GPC1: variants seen among roughly 807,000 people sequenced by gnomAD.
The protein encoded by GPC1 is glypican 1.
A neutral mutation model predicts 51.5 loss-of-function variants in GPC1; 26 were observed. That is an observed-to-expected ratio of 0.50 (90% CI 0.37 to 0.70). The LOEUF is 0.70. Among genes scored for constraint, GPC1 ranks in the 30% least tolerant of loss-of-function variants. The pLI is 0.00. For synonymous variants in GPC1, 380 were observed against 348.3 expected, an observed-to-expected ratio of 1.09 and a Z score of -1.01; for missense variants, 775 against 800.5, an observed-to-expected ratio of 0.97 and a Z score of 0.38.
intron 4 of GPC1, 34 bp from the exon 5 acceptor site, chr2:240,464,582 C>T (rs776467395): frequency 8.6e-6 from 13 of 1,516,290 alleles, no homozygotes; most frequent in African/African-American, 7.8e-5. Context: ...CGCGCGTTAA[C>T]GCCTGTGTGT....
rs2151798482 is a variant in GPC1, at chr2:240,467,282, C to CT, written c.*992_*993insT. The CT allele has an allele frequency of 6.6e-6, 1 of 152,366 alleles. No homozygotes were observed. The highest frequency in any genetic ancestry group is 1.9e-4 in the East Asian group (1 of 5,194). 9.4% of individuals were successfully genotyped at this position (152,366 alleles called of 1,614,324 possible). On this transcript the variant is annotated 3_prime_UTR_variant, in exon 9 of 9. Transcript: ENST00000264039. ...TGGTGGCTGGTGAGACCCCGCACTG[C>CT]AGACGGGAATGCCTAGGTCCCTTCC... is the stretch of plus-strand genomic sequence containing the variant.
intron 1 of GPC1, among the ~76,000 whole-genome samples, chr2:240,447,429 C>T (rs1266909799): frequency 2.0e-5 from 3 of 152,176 alleles, no homozygotes; most frequent in African/African-American, 4.8e-5. Context: ...GCTCTGAGGC[C>T]GGCGTGGAGC....
At chr2:240,456,027 TCTTCACTCC>T (rs1559199407) in intron 1 of GPC1, 1 of 428,446 alleles carries the variant, frequency 2.3e-6, no homozygotes, top group Admixed American at 2.7e-5. Context: ...TGGCTCCGTG[TCTTCACTCC>T]CGTGCTTGTC....
At chr2:240,454,089 G>T (rs2074132963) in intron 1 of GPC1, among the ~76,000 whole-genome samples, 1 of 152,110 alleles carries the variant, frequency 6.6e-6, no homozygotes, top group Non-Finnish European at 1.5e-5. Flanking sequence ...AGACGGCAGG[G>T]GTGTGGGGAG....
intron 1 of GPC1, among the ~76,000 whole-genome samples, chr2:240,438,617 G>T (rs2073999169): frequency 6.6e-6 from 1 of 152,226 alleles, no homozygotes; most frequent in Admixed American, 6.5e-5. Context: ...GTGGGGTAGA[G>T]ATCTGATACT....
At chr2:240,437,386 C>T (rs1260117555) in intron 1 of GPC1, among the ~76,000 whole-genome samples, 2 of 152,050 alleles carry the variant, frequency 1.3e-5, no homozygotes, top group Non-Finnish European at 2.9e-5. Context: ...GTAAGGGCCC[C>T]CTGACCGCCC....
chr2:240,449,527 T>G (rs926718959), intron 1 of GPC1: 4 of 232,956 alleles, frequency 1.7e-5, no homozygotes, highest in East Asian at 1.1e-4. Context: ...GGGAGAAGAG[T>G]TGTTTGCTTT....
intron 1 of GPC1, among the ~76,000 whole-genome samples, chr2:240,441,101 G>A (rs1043172326): frequency 3.9e-5 from 6 of 152,278 alleles, no homozygotes; most frequent in Non-Finnish European, 5.9e-5. Flanking sequence ...CAATCTCTAG[G>A]GACAGTGTGA....
chr2:240,465,551 G>T lies in GPC1; in HGVS notation c.1347G>T (p.Pro449=), dbSNP rs144488064. The change falls in exon 8 of 9, where the codon CCG becomes CCT. Residue 449 remains proline (P), a synonymous_variant. Transcript: ENST00000264039. ...NPEVEVDITK[P]DMTIRQQIMQ... is the part of the protein sequence containing the mutation. The stretch of plus-strand genomic sequence containing the variant: ...AGGTGGAGGTGGACATCACCAAGCC[G>T]GACATGACCATCCGGCAGCAGATCA... 4.7e-5 allele frequency: 76 copies of T among 1,613,060 alleles called. No individual in the cohort carries two copies. In the African/African-American group the frequency reaches 8.0e-4, roughly 17 times the overall value.
rs2074276097 is a variant in GPC1, at chr2:240,467,643, C to G, written c.*1353C>G. 2.0e-5 allele frequency: 3 copies of G among 152,400 alleles called. No homozygotes were observed. In the South Asian group the frequency reaches 6.2e-4, roughly 31 times the overall value. 9.4% of individuals were successfully genotyped at this position (152,400 alleles called of 1,614,324 possible). ...GGGCAGCTGTCCTGAACCGACTGAC[C>G]CTGAGGAGGCCGCTTAGTGCTGCTT... On this transcript the variant is annotated 3_prime_UTR_variant, in exon 9 of 9. Coordinates refer to ENST00000264039, the MANE Select transcript of GPC1 (RefSeq NM_002081.3).
Position 240,466,446 on chromosome 2 carries a change from G to A in GPC1, c.*156G>A, listed in dbSNP as rs551333293. 24 of 586,838 alleles carry A rather than the reference G, an allele frequency of 4.1e-5. No homozygotes were observed. Among genetic ancestry groups the A allele is most frequent in the African/African-American group, 3.5e-4 (19 of 53,732 alleles). 36.4% of individuals were successfully genotyped at this position (586,838 alleles called of 1,614,324 possible). A position where few individuals can be genotyped will look rare whatever the true frequency, so the allele number is the denominator to read the frequency against. On this transcript the variant is annotated 3_prime_UTR_variant, in exon 9 of 9. Transcript: ENST00000264039. ...GCAGGCGCAGAGGTCCCAGCCCCAG[G>A]CCTGGCCTCGCCTGCCTTTCTGCCT... is the stretch of plus-strand genomic sequence containing the variant.
chr2:240,450,697 C>T (rs1192458904), intron 1 of GPC1: 6 of 468,890 alleles, frequency 1.3e-5, no homozygotes, highest in Non-Finnish European at 2.7e-5. Flanking sequence ...GGGTGTGGCT[C>T]GTGGGCCATG....
rs977149196 is a variant in GPC1, at chr2:240,467,219, C to T, written c.*929C>T. The T allele has an allele frequency of 6.6e-6, 1 of 152,328 alleles. No individual in the cohort carries two copies. The highest frequency in any genetic ancestry group is 1.5e-5 in the Non-Finnish European group (1 of 68,114). The allele number at this position is 152,328 out of a possible 1,614,324, so 9.4% of individuals were successfully genotyped here. On this transcript the variant is annotated 3_prime_UTR_variant, in exon 9 of 9. Transcript: ENST00000264039. ...GTTCACGGTGACACAGGTCAGGGCT[C>T]AGAGTGACCCTCAGCTGTCACCTGC...
At chr2:240,436,106 G>T in intron 1 of GPC1, 22 bp downstream of exon 1, 1 of 1,267,138 alleles carries the variant, frequency 7.9e-7, no homozygotes, top group African/African-American at 1.5e-5. Flanking sequence ...CGCGGCGCCG[G>T]GAACCCGGGC....
rs1411934238 is a variant in GPC1 at position 240,436,200 on chromosome 2, C to A, written c.166+116C>A. Reference sequence around the variant, plus strand: ...GCGGGATCCTGCCGCCTGCGCCCCGCCGCCCGGGCCCCGAATGGCTCCCTG... The same window carrying A: ...GCGGGATCCTGCCGCCTGCGCCCCGACGCCCGGGCCCCGAATGGCTCCCTG... On this transcript the variant is annotated intron_variant, in intron 1 of 8. Transcript: ENST00000264039. 7 of 656,944 alleles carry A rather than the reference C, an allele frequency of 1.1e-5. No homozygotes were observed. The South Asian group carries it at 4.5e-4, about 42-fold the overall frequency. 40.7% of individuals were successfully genotyped at this position (656,944 alleles called of 1,614,324 possible). A position where few individuals can be genotyped will look rare whatever the true frequency, so the allele number is the denominator to read the frequency against.
rs374081768 is a variant in GPC1 at position 240,451,003 on chromosome 2, TGGGTGGTGG to T, written c.167-8020_167-8012del. The T allele has an allele frequency of 4.8e-3, 1,864 of 388,156 alleles. 31 individuals are homozygous for T. Among genetic ancestry groups the T allele is most frequent in the African/African-American group, 0.039 (1,646 of 42,086 alleles). The allele number at this position is 388,156 out of a possible 1,614,324, so 24.0% of individuals were successfully genotyped here. A position where few individuals can be genotyped will look rare whatever the true frequency, so the allele number is the denominator to read the frequency against. ...GGGTGGGGTGACTGGGTGGAGTGAC[TGGGTGGTGG>T]GGGTGGGCGCAGGGAGAGCCAGGCC... is the stretch of plus-strand genomic sequence containing the variant. On this transcript the variant is annotated intron_variant, in intron 1 of 8. Coordinates refer to ENST00000264039, the MANE Select transcript of GPC1 (RefSeq NM_002081.3).
chr2:240,443,203 C>G (rs6722129), intron 1 of GPC1, among the ~76,000 whole-genome samples: 115,372 of 152,270 alleles, frequency 0.76, 44,334 homozygotes, highest in African/African-American at 0.85. Flanking sequence ...GGTTGCGTTG[C>G]GGGAGCCCAG....
intron 1 of GPC1, among the ~76,000 whole-genome samples, chr2:240,437,819 G>T (rs1438749522): frequency 6.6e-6 from 1 of 152,226 alleles, no homozygotes; most frequent in East Asian, 1.9e-4. Flanking sequence ...CCTCTGGGCA[G>T]TTGCATCCTT....
chr2:240,456,024 G>T, intron 1 of GPC1: 1 of 430,060 alleles, frequency 2.3e-6, no homozygotes. Context: ...CTCTGGCTCC[G>T]TGTCTTCACT....
Sources: gnomAD v4.1 joint callset for allele counts (sites outside exome capture counted in the v4.1 genomes callset) on GRCh38, gnomAD v4.1.1 for gene constraint, MANE v1.5 for transcripts, NCBI Gene and HGNC (gene_info 2026-07-23, HGNC 2026-07-21) for gene names.